The following TMEM200A variants were observed in gnomAD, a reference collection of about 807,000 sequenced individuals.
TMEM200A encodes the protein two transmembrane C.
TMEM200A carries 12 observed loss-of-function variants against 24.3 expected under a neutral mutation model. The ratio of observed to expected loss-of-function variants is 0.49; its 90% CI spans 0.32 to 0.80. The LOEUF (loss-of-function observed/expected upper bound fraction) is 0.80, where lower values mean the gene tolerates loss of function less well. TMEM200A is among the 30% of genes least tolerant of loss of function. TMEM200A has a pLI of 0.04. For missense variants in TMEM200A, 545 were observed against 614.4 expected (o/e 0.89, Z 1.19); for synonymous variants, 224 against 224.4 (o/e 1.00, Z 0.02).
chr6:130,370,740 G>A (rs998177296), intron 1 of TMEM200A, among the ~76,000 whole-genome samples: 1 of 152,078 alleles, frequency 6.6e-6, no homozygotes, highest in African/African-American at 2.4e-5. Context: ...TGAATGGGAA[G>A]CCACCATTTA....
At chr6:130,413,336 C>A (rs1003573638) in intron 2 of TMEM200A, among the ~76,000 whole-genome samples, 14 of 152,262 alleles carry the variant, frequency 9.2e-5, no homozygotes, top group African/African-American at 3.4e-4. Flanking sequence ...GTAGGCATCC[C>A]CGGGCTTCAT....
rs200933561 is a variant in TMEM200A at position 130,440,943 on chromosome 6, G to A, written c.521G>A (p.Arg174Lys). 5.7e-5 allele frequency: 92 copies of A among 1,614,034 alleles called. 1 individual carries two copies. In the South Asian group the frequency reaches 9.7e-4, roughly 17 times the overall value. ...YSTVIDIHTL[R>K]IKEQRQMNGM... The stretch of plus-strand genomic sequence containing the variant: ...ACAGTCATTGACATTCACACGCTAA[G>A]AATCAAGGAGCAAAGGCAAATGAAC... The change falls in exon 3 of 3, where the codon AGA becomes AAA. Residue 174 changes from arginine to lysine, a missense_variant. Physicochemically the swap from Arg to Lys is conservative, Grantham distance 26. Transcript: ENST00000296978.
In TMEM200A at chr6:130,442,305, A is replaced by ATGAC. The variant is rs906585642; in HGVS notation, c.*409_*412dup. ...TCCCAATACTCAATACGTATTATAG[A>ATGAC]TGACTATGAGTGCAAACCTTAGGAT... On this transcript the variant is annotated 3_prime_UTR_variant, in exon 3 of 3. Coordinates refer to ENST00000296978, the MANE Select transcript of TMEM200A (RefSeq NM_001258277.2). 5.8e-6 allele frequency: 1 copy of ATGAC among 171,858 alleles called. No individual in the cohort carries two copies. The highest frequency in any genetic ancestry group is 2.4e-5 in the African/African-American group (1 of 41,512). 10.6% of individuals were successfully genotyped at this position (171,858 alleles called of 1,614,324 possible).
At chr6:130,373,502 A>G (rs1778367248) in intron 1 of TMEM200A, among the ~76,000 whole-genome samples, 2 of 152,134 alleles carry the variant, frequency 1.3e-5, no homozygotes, top group Admixed American at 1.3e-4. Flanking sequence ...ATATTTTCCA[A>G]CTTCTAGACA....
chr6:130,397,563 G>T (rs930779635), intron 2 of TMEM200A, among the ~76,000 whole-genome samples: 82 of 151,628 alleles, frequency 5.4e-4, no homozygotes, highest in African/African-American at 1.9e-3. Flanking sequence ...CTTTCTTTTG[G>T]CTAGTATTTG....
At chr6:130,408,662 G>T (rs923214732) in intron 2 of TMEM200A, among the ~76,000 whole-genome samples, 10 of 152,100 alleles carry the variant, frequency 6.6e-5, no homozygotes, top group African/African-American at 2.4e-4. Context: ...AGAAAAGCAG[G>T]GTCCAGATTC....
chr6:130,433,934 G>A (rs1311547588), intron 2 of TMEM200A, among the ~76,000 whole-genome samples: 2 of 152,164 alleles, frequency 1.3e-5, no homozygotes, highest in African/African-American at 2.4e-5. Context: ...CCAAGCCTTC[G>A]TTAACTGCCA....
chr6:130,365,920 C>A (rs145247383), upstream of TMEM200A: 23,877 of 985,462 alleles, frequency 0.024, 299 homozygotes, highest in Non-Finnish European at 0.027. Context: ...GGTCCGGGGT[C>A]GCAGGCGCGC....
At chr6:130,393,323 G>GA (rs1440521282) in intron 2 of TMEM200A, among the ~76,000 whole-genome samples, 1 of 151,892 alleles carries the variant, frequency 6.6e-6, no homozygotes, top group African/African-American at 2.4e-5. Flanking sequence ...TACCAGAAGA[G>GA]AAAAAAAATT....
intron 2 of TMEM200A, among the ~76,000 whole-genome samples, chr6:130,425,284 T>TATA (rs1439463895): frequency 6.6e-6 from 1 of 150,590 alleles, no homozygotes. Context: ...AGTTTGAAGT[T>TATA]ATAATTGGTC....
intron 2 of TMEM200A, among the ~76,000 whole-genome samples, chr6:130,423,195 A>G (rs942848996): frequency 2.6e-5 from 4 of 152,140 alleles, no homozygotes; most frequent in Admixed American, 2.6e-4. Context: ...TTCTCTATGT[A>G]TATCTGTTCT....
intron 2 of TMEM200A, among the ~76,000 whole-genome samples, chr6:130,405,169 A>AT (rs959817177): frequency 6.6e-6 from 1 of 151,682 alleles, no homozygotes; most frequent in African/African-American, 2.4e-5. Context: ...GAATTTAAAA[A>AT]TTTTTTTTTC....
Position 130,387,626 on chromosome 6 carries a change from A to G in TMEM200A, c.-17+2390A>G, listed in dbSNP as rs370864056. ...CTCTTTTCTTTTCTGTTTGAATGCA[A>G]TCATGTGGACTTGGCCACATGGCTT... On this transcript the variant is annotated intron_variant, in intron 2 of 2. Coordinates refer to ENST00000296978, the MANE Select transcript of TMEM200A (RefSeq NM_001258277.2). Among the ~76,000 whole-genome samples, 12 of 152,242 alleles carry G rather than the reference A, an allele frequency of 7.9e-5. No individual in the cohort carries two copies. In the South Asian group the frequency reaches 1.7e-3, roughly 21 times the overall value.
Position 130,441,707 on chromosome 6 carries a change from G to A in TMEM200A, c.1285G>A (p.Gly429Arg), listed in dbSNP as rs868826797. The A allele has an allele frequency of 1.2e-6, 2 of 1,613,940 alleles. No homozygotes were observed. The highest frequency in any genetic ancestry group is 1.7e-6 in the Non-Finnish European group (2 of 1,179,970). The part of the protein sequence containing the change: ...WPRLDRNNSK[G>R]YMKLENKEDP... ...TAGGTTGGATCGGAACAACAGCAAG[G>A]GATATATGAAACTAGAGAACAAAGA... Residue 429 changes from glycine to arginine, a missense_variant, in exon 3 of 3, where the codon GGA (glycine) becomes AGA (arginine). Transcript: ENST00000296978.
intron 2 of TMEM200A, among the ~76,000 whole-genome samples, chr6:130,392,225 T>G (rs1778851218): frequency 6.6e-6 from 1 of 152,246 alleles, no homozygotes; most frequent in African/African-American, 2.4e-5. Context: ...TGTAAGTTAC[T>G]TAATGAGGTA....
intron 1 of TMEM200A, among the ~76,000 whole-genome samples, chr6:130,371,004 A>G (rs1220986420): frequency 2.0e-5 from 3 of 152,218 alleles, no homozygotes; most frequent in Admixed American, 6.5e-5. Flanking sequence ...TTTAGGAGGC[A>G]TAAGATGATA....
At chr6:130,396,801 A>G (rs914898845) in intron 2 of TMEM200A, among the ~76,000 whole-genome samples, 10 of 152,178 alleles carry the variant, frequency 6.6e-5, no homozygotes, top group Non-Finnish European at 1.5e-4. Context: ...ACATTTTGTC[A>G]TTAGAAAATA....
chr6:130,434,037 T>A (rs955132648), intron 2 of TMEM200A, among the ~76,000 whole-genome samples: 1 of 152,178 alleles, frequency 6.6e-6, no homozygotes, highest in African/African-American at 2.4e-5. Context: ...TTCTTTTATT[T>A]TAAATGTTTA....
At chr6:130,369,065 G>A (rs948123858) in intron 1 of TMEM200A, among the ~76,000 whole-genome samples, 13 of 152,202 alleles carry the variant, frequency 8.5e-5, no homozygotes, top group African/African-American at 3.1e-4. Flanking sequence ...GGTCTTGCTA[G>A]TTGTATTGAA....
Sources: gnomAD v4.1 joint callset for allele counts (sites outside exome capture counted in the v4.1 genomes callset) on GRCh38, gnomAD v4.1.1 for gene constraint, MANE v1.5 for transcripts, NCBI Gene and HGNC (gene_info 2026-07-23, HGNC 2026-07-21) for gene names.